MBNL1: variants seen among roughly 807,000 people sequenced by gnomAD.
MBNL1 encodes muscleblind-like protein 1.
In MBNL1, 8 loss-of-function variants were observed where a neutral mutation model predicts 42.2. The observed-to-expected ratio is 0.19, with a 90% CI of 0.11 to 0.34. The LOEUF (loss-of-function observed/expected upper bound fraction) is 0.34. Ranked by LOEUF, MBNL1 falls within the 10% of genes least tolerant of loss-of-function variation. The pLI is 1.00. For synonymous variants in MBNL1, 169 were observed against 173.9 expected, an observed-to-expected ratio of 0.97 and a Z score of 0.22; for missense variants, 309 against 495.3, an observed-to-expected ratio of 0.62 and a Z score of 3.57.
At chr3:152,458,068 G>A in intron 8 of MBNL1, 1 of 1,432,454 alleles carries the variant, frequency 7.0e-7, no homozygotes, top group East Asian at 2.3e-5. Context: ...GCATGCAGAA[G>A]TTTATAGCTG....
intron 2 of MBNL1, among the ~76,000 whole-genome samples, chr3:152,301,533 T>C (rs1242485656): frequency 6.6e-6 from 1 of 152,210 alleles, no homozygotes; most frequent in African/African-American, 2.4e-5. Context: ...CATTTTAGGC[T>C]GTTCATTTTG....
At chr3:152,437,251 C>T (rs1409446410) in intron 4 of MBNL1, among the ~76,000 whole-genome samples, 6 of 152,212 alleles carry the variant, frequency 3.9e-5, no homozygotes, top group Middle Eastern at 3.4e-3. Context: ...TTCTTCTTGC[C>T]ACTTCTTCCT....
chr3:152,446,634 G>A, intron 5 of MBNL1: 1 of 1,184,998 alleles, frequency 8.4e-7, no homozygotes, highest in Non-Finnish European at 1.2e-6. Flanking sequence ...ACCTCTGCTT[G>A]CTGTTTATGT....
intron 2 of MBNL1, among the ~76,000 whole-genome samples, chr3:152,393,778 A>G (rs1202434180): frequency 6.6e-6 from 1 of 152,196 alleles, no homozygotes; most frequent in Non-Finnish European, 1.5e-5. Flanking sequence ...CACATTGTGG[A>G]TATATGTTCC....
At chr3:152,415,861 CTATT>C (rs2098692411) in intron 3 of MBNL1, among the ~76,000 whole-genome samples, 1 of 152,114 alleles carries the variant, frequency 6.6e-6, no homozygotes. Flanking sequence ...TTAATAATCT[CTATT>C]CATATTTATT....
chr3:152,357,428 T>C (rs1212962150), intron 2 of MBNL1, among the ~76,000 whole-genome samples: 1 of 152,198 alleles, frequency 6.6e-6, no homozygotes, highest in Non-Finnish European at 1.5e-5. Context: ...TAATACTGTT[T>C]TGTAAATATA....
chr3:152,305,152 C>T (rs145461600), intron 2 of MBNL1, among the ~76,000 whole-genome samples: 8 of 152,252 alleles, frequency 5.3e-5, no homozygotes, highest in South Asian at 2.1e-4. Flanking sequence ...CAAAATTCCA[C>T]GGAGTACCCT....
intron 2 of MBNL1, among the ~76,000 whole-genome samples, chr3:152,365,448 A>G (rs930079929): frequency 1.3e-5 from 2 of 152,126 alleles, no homozygotes. Flanking sequence ...TAAAGTCTCA[A>G]AGACTTTCCC....
rs145146223 is a variant in MBNL1 at position 152,305,568 on chromosome 3, G to C, written c.174+5201G>C. On this transcript the variant is annotated intron_variant, in intron 2 of 9. Coordinates refer to ENST00000324210, the MANE Select transcript of MBNL1 (RefSeq NM_021038.5). ...GAGCAATTTTCCATGTTAACAGCTA[G>C]GCCAAAAATCATGACTGCCAGTAGA... Among the ~76,000 whole-genome samples the C allele has an allele frequency of 3.0e-3, 462 of 151,682 alleles. 3 individuals carry two copies. Among genetic ancestry groups the C allele is most frequent in the South Asian group, 0.024 (117 of 4,800 alleles).
At chr3:152,397,226 A>G (rs903890097) in intron 2 of MBNL1, among the ~76,000 whole-genome samples, 4 of 152,136 alleles carry the variant, frequency 2.6e-5, no homozygotes, top group Admixed American at 2.0e-4. Flanking sequence ...TTATTATTAT[A>G]CTTTAAGTTC....
chr3:152,395,741 C>T (rs529068675), intron 2 of MBNL1, among the ~76,000 whole-genome samples: 1 of 152,350 alleles, frequency 6.6e-6, no homozygotes, highest in South Asian at 2.1e-4. Context: ...TGCATTAACT[C>T]TGAACTTAAC....
intron 2 of MBNL1, among the ~76,000 whole-genome samples, chr3:152,381,143 A>C (rs770798619): frequency 1.3e-5 from 2 of 152,102 alleles, no homozygotes; most frequent in African/African-American, 2.4e-5. Context: ...CATTTCATTT[A>C]TATAAAAGGC....
At chr3:152,285,046 C>G (rs2050744673) in intron 1 of MBNL1, among the ~76,000 whole-genome samples, 1 of 152,004 alleles carries the variant, frequency 6.6e-6, no homozygotes, top group African/African-American at 2.4e-5. Context: ...AGTGTCTACC[C>G]CATGGACATA....
chr3:152,431,069 G>C (rs911448341), intron 3 of MBNL1, among the ~76,000 whole-genome samples: 2 of 152,196 alleles, frequency 1.3e-5, no homozygotes, highest in Non-Finnish European at 2.9e-5. Flanking sequence ...TAAATGCAAA[G>C]AGTTTGTTTC....
At chr3:152,244,227 G>A (rs1171797215) in intron 1 of MBNL1, 1 of 152,174 alleles carries the variant, frequency 6.6e-6, no homozygotes, top group African/African-American at 2.4e-5. Context: ...TCAAGTGTAA[G>A]CTTTATGAAT....
intron 8 of MBNL1, chr3:152,458,125 G>A (rs759259718): frequency 1.3e-5 from 21 of 1,613,492 alleles, no homozygotes; most frequent in Middle Eastern, 1.6e-4. Context: ...GGTATGTTTC[G>A]ACAGCCCCAT....
At chr3:152,362,910 G>T (rs1173515131) in intron 2 of MBNL1, among the ~76,000 whole-genome samples, 1 of 152,160 alleles carries the variant, frequency 6.6e-6, no homozygotes, top group African/African-American at 2.4e-5. Context: ...AGTACTCAAA[G>T]TTGGGGAGTA....
chr3:152,394,216 A>G (rs1210230585), intron 2 of MBNL1, among the ~76,000 whole-genome samples: 1 of 152,246 alleles, frequency 6.6e-6, no homozygotes, highest in Non-Finnish European at 1.5e-5. Context: ...CAAAATAGTC[A>G]TAGTCAATTA....
At chr3:152,259,741 T>G (rs1261498381) in intron 2 of MBNL1, among the ~76,000 whole-genome samples, 2 of 152,238 alleles carry the variant, frequency 1.3e-5, no homozygotes, top group Non-Finnish European at 2.9e-5. Flanking sequence ...CACTATTTCA[T>G]GCAACTAGTA....
Sources: allele counts gnomAD v4.1 joint callset (sites outside exome capture counted in the v4.1 genomes callset), GRCh38; gene constraint gnomAD v4.1.1; transcripts MANE v1.5; gene names NCBI Gene and HGNC (gene_info 2026-07-23, HGNC 2026-07-21).